The following ISM1 variants were observed in gnomAD, a reference collection of about 807,000 sequenced individuals.
ISM1 encodes isthmin 1, also known as isthmin-1.
ISM1 carries 25 observed loss-of-function variants against 46.3 expected under a neutral mutation model. The observed-to-expected ratio is 0.54, with a 90% confidence interval of 0.39 to 0.75. The LOEUF (loss-of-function observed/expected upper bound fraction) is 0.75. Ranked by LOEUF, ISM1 falls within the 30% of genes least tolerant of loss-of-function variation. ISM1 has a pLI of 0.00. For missense variants in ISM1, 536 were observed against 625.4 expected (o/e 0.86, Z 1.52); for synonymous variants, 255 against 256.7 (o/e 0.99, Z 0.06).
chr20:13,319,379 GAA>G, the ISM1 span, among the ~76,000 whole-genome samples: 3 of 152,106 alleles, frequency 2.0e-5, no homozygotes, highest in Non-Finnish European at 4.4e-5. Context: ...GGAAGTTATT[GAA>G]AACAGAGCTC....
In ISM1 at chr20:13,221,462, C is replaced by G. The variant is rs1356354631; in HGVS notation, c.-315C>G. On this transcript the variant is annotated 5_prime_UTR_variant, in exon 1 of 6. Transcript: ENST00000262487. ...CCCGGGCTGTCCCGGGACCCAGTCT[C>G]CGTCTCCGCCGCCGCCGCCGCCAGG... Among the ~76,000 whole-genome samples the G allele has an allele frequency of 6.9e-6, 1 of 145,916 alleles. No individual in the cohort carries two copies. Among genetic ancestry groups the G allele is most frequent in the Admixed American group, 6.8e-5 (1 of 14,766 alleles).
At chr20:13,247,730 G>A (rs2039816004) in intron 1 of ISM1, among the ~76,000 whole-genome samples, 2 of 152,158 alleles carry the variant, frequency 1.3e-5, no homozygotes, top group African/African-American at 4.8e-5. Flanking sequence ...TCATAAAGGA[G>A]AGGAAACCTG....
intron 3 of ISM1, among the ~76,000 whole-genome samples, chr20:13,285,768 G>A (rs2040285378): frequency 6.6e-6 from 1 of 152,204 alleles, no homozygotes; most frequent in Non-Finnish European, 1.5e-5. Context: ...TAATAATTTA[G>A]ATCCAAGAAA....
intron 1 of ISM1, among the ~76,000 whole-genome samples, chr20:13,253,902 C>A (rs2039896682): frequency 6.6e-6 from 1 of 151,584 alleles, no homozygotes; most frequent in Non-Finnish European, 1.5e-5. Context: ...TTTATACACA[C>A]ACATAAAAAC....
At chr20:13,277,417 C>CTACAAGCAGAGGG (rs56180331) in intron 2 of ISM1, among the ~76,000 whole-genome samples, 1 of 151,794 alleles carries the variant, frequency 6.6e-6, no homozygotes, top group African/African-American at 2.4e-5. Context: ...TCAGTTCCCT[C>CTACAAGCAGAGGG]AGATGGGGCT....
intron 1 of ISM1, among the ~76,000 whole-genome samples, chr20:13,240,170 C>T (rs548102709): frequency 1.3e-5 from 2 of 152,286 alleles, no homozygotes; most frequent in African/African-American, 4.8e-5. Flanking sequence ...TTTCATATCG[C>T]GTGGCTGTGA....
chr20:13,294,000 A>G (rs2040381381), intron 5 of ISM1, among the ~76,000 whole-genome samples: 1 of 152,050 alleles, frequency 6.6e-6, no homozygotes, highest in Non-Finnish European at 1.5e-5. Context: ...AAAAAGAAAA[A>G]AAAGAAAAGA....
chr20:13,306,061 C>T, the ISM1 span, among the ~76,000 whole-genome samples: 55 of 147,266 alleles, frequency 3.7e-4, no homozygotes, highest in Middle Eastern at 3.6e-3. Context: ...TATAGATATT[C>T]ACGATTGCCC....
chr20:13,301,768 A>G (rs1013821899), downstream of ISM1, among the ~76,000 whole-genome samples: 16 of 152,142 alleles, frequency 1.1e-4, no homozygotes, highest in Admixed American at 1.0e-3. Context: ...CTGTCAGGAC[A>G]GGTATTCAAG....
intron 3 of ISM1, among the ~76,000 whole-genome samples, chr20:13,282,576 A>G (rs533024011): frequency 9.8e-5 from 15 of 152,314 alleles, no homozygotes; most frequent in African/African-American, 3.4e-4. Flanking sequence ...GACCTAGAGT[A>G]CCATTGAGCT....
chr20:13,325,164 G>C, the ISM1 span, among the ~76,000 whole-genome samples: 1 of 152,186 alleles, frequency 6.6e-6, no homozygotes, highest in Non-Finnish European at 1.5e-5. Context: ...CGACAAATGG[G>C]GTGAGGTGGG....
At chr20:13,223,156 C>CAAAAA (rs369659111) in intron 1 of ISM1, among the ~76,000 whole-genome samples, 4 of 120,162 alleles carry the variant, frequency 3.3e-5, no homozygotes, top group East Asian at 2.5e-4. Flanking sequence ...GACTCCGTCT[C>CAAAAA]AAAAAAAAAA....
intron 1 of ISM1, among the ~76,000 whole-genome samples, chr20:13,249,277 T>C (rs1409698423): frequency 1.3e-5 from 2 of 152,188 alleles, no homozygotes; most frequent in African/African-American, 4.8e-5. Flanking sequence ...AGCCTGCCCA[T>C]TTCACAGATG....
At chr20:13,256,190 GTT>G (rs2039927107) in intron 1 of ISM1, among the ~76,000 whole-genome samples, 1 of 152,050 alleles carries the variant, frequency 6.6e-6, no homozygotes, top group South Asian at 2.1e-4. Flanking sequence ...GAGGTCAGGA[GTT>G]TGAGACCAGC....
At chr20:13,245,945 G>A (rs142263572) in intron 1 of ISM1, among the ~76,000 whole-genome samples, 373 of 152,174 alleles carry the variant, frequency 2.5e-3, no homozygotes, top group Non-Finnish European at 4.0e-3. Context: ...CCCTCTTTCC[G>A]GTTGCAAAAA....
At chr20:13,311,258 TAGATA>T in the ISM1 span, among the ~76,000 whole-genome samples, 1 of 118,632 alleles carries the variant, frequency 8.4e-6, no homozygotes, top group African/African-American at 3.1e-5. Context: ...GATAGATAGA[TAGATA>T]GATAGATAGA....
At chr20:13,314,426 C>T in the ISM1 span, among the ~76,000 whole-genome samples, 1 of 151,278 alleles carries the variant, frequency 6.6e-6, no homozygotes, top group East Asian at 1.9e-4. Flanking sequence ...GAATTACATC[C>T]ACCTTCTCCT....
intron 5 of ISM1, among the ~76,000 whole-genome samples, chr20:13,296,785 C>T (rs1045663766): frequency 6.6e-6 from 1 of 152,104 alleles, no homozygotes; most frequent in African/African-American, 2.4e-5. Context: ...TTTGGGAGTC[C>T]GAGGTGGGTG....
intron 1 of ISM1, among the ~76,000 whole-genome samples, chr20:13,258,450 G>T (rs1237198938): frequency 2.0e-5 from 3 of 152,114 alleles, no homozygotes; most frequent in Non-Finnish European, 4.4e-5. Context: ...ATGTTAAATT[G>T]TTCCTTTATT....
Sources: allele counts gnomAD v4.1 joint callset (sites outside exome capture counted in the v4.1 genomes callset), GRCh38; gene constraint gnomAD v4.1.1; transcripts MANE v1.5; gene names NCBI Gene and HGNC (gene_info 2026-07-23, HGNC 2026-07-21).